The following RBM47 variants were observed in gnomAD, a reference collection of about 807,000 sequenced individuals.
The protein encoded by RBM47 is RNA-binding protein 47.
In RBM47, 21 loss-of-function variants were observed where a neutral mutation model predicts 47.1. The ratio of observed to expected loss-of-function variants is 0.45; its 90% CI spans 0.32 to 0.64. The LOEUF (loss-of-function observed/expected upper bound fraction) is 0.64, where lower values mean the gene tolerates loss of function less well. RBM47 is among the 30% of genes least tolerant of loss of function. The pLI, the probability that RBM47 is intolerant of heterozygous loss-of-function variation, is 0.05. For missense variants in RBM47, 708 were observed against 870.9 expected, an observed-to-expected ratio of 0.81 and a Z score of 2.35; for synonymous variants, 375 against 361.7, an observed-to-expected ratio of 1.04 and a Z score of -0.42.
chr4:40,557,148 C>T (rs1730179459), intron 1 of RBM47, among the ~76,000 whole-genome samples: 2 of 152,142 alleles, frequency 1.3e-5, no homozygotes, highest in Admixed American at 6.5e-5. Context: ...AGTGTGCTTA[C>T]TTGGCTAAGT....
At chr4:40,437,703 C>A in intron 4 of RBM47, 68 bp downstream of exon 4, 1 of 1,447,154 alleles carries the variant, frequency 6.9e-7, no homozygotes, top group South Asian at 1.3e-5. Flanking sequence ...GCCACGGTAT[C>A]CCTGGTGCCC....
chr4:40,532,512 CA>C (rs113735570), intron 2 of RBM47, among the ~76,000 whole-genome samples: 3,469 of 143,704 alleles, frequency 0.024, 148 homozygotes, highest in African/African-American at 0.08. Context: ...AGGGTTTCAC[CA>C]TGTTGGCCAG....
intron 1 of RBM47, among the ~76,000 whole-genome samples, chr4:40,607,709 A>G (rs62301876): frequency 0.11 from 16,561 of 152,186 alleles, 979 homozygotes; most frequent in South Asian, 0.12. Context: ...CATGTCTCAA[A>G]GTAAAATAAG....
chr4:40,583,790 A>G (rs1001268795), intron 1 of RBM47, among the ~76,000 whole-genome samples: 42 of 148,650 alleles, frequency 2.8e-4, no homozygotes, highest in South Asian at 4.4e-4. Flanking sequence ...CCCGGGAGGC[A>G]GAGCTTGCAG....
chr4:40,522,640 T>C (rs765197590), intron 2 of RBM47, among the ~76,000 whole-genome samples: 1 of 152,146 alleles, frequency 6.6e-6, no homozygotes, highest in African/African-American at 2.4e-5. Flanking sequence ...CTTTGTGAGG[T>C]TGAATTTTCT....
chr4:40,602,521 G>A (rs1369110525), intron 1 of RBM47, among the ~76,000 whole-genome samples: 3 of 151,700 alleles, frequency 2.0e-5, no homozygotes, highest in African/African-American at 7.3e-5. Context: ...GGTGGCGCAC[G>A]CCTGTAGTCC....
intron 1 of RBM47, among the ~76,000 whole-genome samples, chr4:40,578,856 G>A (rs547763692): frequency 2.7e-4 from 41 of 152,342 alleles, no homozygotes; most frequent in African/African-American, 9.1e-4. Context: ...GATGGCTCAC[G>A]CCTGTAATTC....
intron 1 of RBM47, among the ~76,000 whole-genome samples, chr4:40,566,559 C>T (rs969724213): frequency 3.3e-5 from 5 of 151,946 alleles, no homozygotes; most frequent in Non-Finnish European, 5.9e-5. Flanking sequence ...ACAGAGGAAT[C>T]GCTTGAATCT....
intron 1 of RBM47, among the ~76,000 whole-genome samples, chr4:40,549,014 T>A (rs1729286733): frequency 6.6e-6 from 1 of 152,094 alleles, no homozygotes; most frequent in Admixed American, 6.6e-5. Context: ...CTTAAGAAAC[T>A]TTTAATTTCA....
At chr4:40,463,877 G>A (rs1332709102) in intron 3 of RBM47, among the ~76,000 whole-genome samples, 1 of 152,050 alleles carries the variant, frequency 6.6e-6, no homozygotes, top group Non-Finnish European at 1.5e-5. Flanking sequence ...CATGTGCCCT[G>A]TGAAACGCAC....
chr4:40,448,153 G>A (rs764328724), intron 3 of RBM47, among the ~76,000 whole-genome samples: 1 of 152,186 alleles, frequency 6.6e-6, no homozygotes, highest in African/African-American at 2.4e-5. Context: ...CCGAGACTGC[G>A]CCACTGCACT....
chr4:40,520,883 A>C (rs955422002), intron 2 of RBM47, among the ~76,000 whole-genome samples: 24 of 152,168 alleles, frequency 1.6e-4, no homozygotes, highest in Admixed American at 3.3e-4. Context: ...CAACCGCTAG[A>C]CCAGCAGTTC....
intron 3 of RBM47, among the ~76,000 whole-genome samples, chr4:40,441,726 G>A (rs868329623): frequency 1.3e-5 from 2 of 152,206 alleles, no homozygotes; most frequent in African/African-American, 4.8e-5. Flanking sequence ...TACAAAAACA[G>A]TCTTACAGTA....
chr4:40,437,814 G>T lies in RBM47; in HGVS notation c.1080C>A (p.Pro360=). 1 of 1,611,736 alleles carries T rather than the reference G, an allele frequency of 6.2e-7. No homozygotes were observed. The highest frequency in any genetic ancestry group is 8.5e-7 in the Non-Finnish European group (1 of 1,178,058). Residue 360 remains proline (P), a synonymous_variant, in exon 4 of 7, where the codon CCC becomes CCA. Coordinates refer to ENST00000295971, the MANE Select transcript of RBM47 (RefSeq NM_001098634.2). ...DPYTLAYYGY[P]YNALIGPNRD... is the part of the protein sequence containing the mutation. ...TGTTGGGCCCAATGAGCGCGTTGTA[G>T]GGGTAGCCGTAGTAGGCCAGTGTGT...
chr4:40,445,553 G>A (rs1034915969), intron 3 of RBM47, among the ~76,000 whole-genome samples: 9 of 152,164 alleles, frequency 5.9e-5, no homozygotes, highest in Non-Finnish European at 8.8e-5. Flanking sequence ...GGTGGACCTC[G>A]TCCTTGTGGA....
rs1339616941 is a variant in RBM47, at chr4:40,434,573, C to T, written c.1331-1711G>A. On this transcript the variant is annotated intron_variant, in intron 5 of 6. Transcript: ENST00000295971. The stretch of plus-strand genomic sequence containing the variant: ...AAGTAGAAGCGACGACTCCCATATC[C>T]AGGCTCTATTTTATTAAGTTACAGA... 2.0e-5 allele frequency among the ~76,000 whole-genome samples: 3 copies of T among 151,570 alleles called. No homozygotes were observed. In the East Asian group the frequency reaches 5.8e-4, roughly 29 times the overall value.
At chr4:40,620,811 G>A (rs1737197627) in intron 1 of RBM47, among the ~76,000 whole-genome samples, 1 of 152,094 alleles carries the variant, frequency 6.6e-6, no homozygotes, top group African/African-American at 2.4e-5. Flanking sequence ...TGGGATTACA[G>A]GCGTGAGCCA....
chr4:40,544,681 A>G (rs966854028), intron 1 of RBM47, among the ~76,000 whole-genome samples, 175 bp from the exon 2 acceptor site: 6 of 152,314 alleles, frequency 3.9e-5, no homozygotes, highest in Admixed American at 3.3e-4. Context: ...ATAACCAGGC[A>G]ATATAGGAAA....
intron 1 of RBM47, among the ~76,000 whole-genome samples, chr4:40,619,860 C>T (rs938170689): frequency 1.3e-5 from 2 of 152,168 alleles, no homozygotes; most frequent in Non-Finnish European, 2.9e-5. Context: ...CTGGGTACTT[C>T]GTATCCAGTG....
Sources: allele counts gnomAD v4.1 joint callset (sites outside exome capture counted in the v4.1 genomes callset), GRCh38; gene constraint gnomAD v4.1.1; transcripts MANE v1.5; gene names NCBI Gene and HGNC (gene_info 2026-07-23, HGNC 2026-07-21).